Variants in MEF2A observed in about 807,000 individuals in gnomAD.
The protein encoded by MEF2A is myocyte enhancer factor 2A.
Under a neutral mutation model 55.8 loss-of-function variants are expected in MEF2A, and 28 were observed. The ratio of observed to expected loss-of-function variants is 0.50; its 90% CI spans 0.37 to 0.69. MEF2A has a LOEUF of 0.69. Ranked by LOEUF, MEF2A falls within the 30% of genes least tolerant of loss-of-function variation. MEF2A has a pLI of 0.00. For synonymous variants in MEF2A, 239 were observed against 227.1 expected (o/e 1.05, Z -0.47); for missense variants, 528 against 626.2 (o/e 0.84, Z 1.67).
intron 7 of MEF2A, 50 bp downstream of exon 7, chr15:99,675,508 A>T: frequency 6.9e-7 from 1 of 1,453,150 alleles, no homozygotes. Context: ...CCTATATGAG[A>T]TCAAAGGAAT....
intron 3 of MEF2A, among the ~76,000 whole-genome samples, chr15:99,635,478 T>C (rs978237888): frequency 2.0e-5 from 3 of 152,150 alleles, no homozygotes; most frequent in Non-Finnish European, 2.9e-5. Flanking sequence ...AAGTATAAGA[T>C]TAAGAAAAAT....
chr15:99,706,970 T>C lies in MEF2A; in HGVS notation c.1009+115T>C, dbSNP rs1014947827. 4.7e-6 allele frequency: 6 copies of C among 1,266,414 alleles called. No individual in the cohort carries two copies. In the African/African-American group the frequency reaches 9.0e-5, roughly 19 times the overall value. 78.4% of individuals were successfully genotyped at this position (1,266,414 alleles called of 1,614,324 possible). A position where few individuals can be genotyped will look rare whatever the true frequency, so the allele number is the denominator to read the frequency against. ...TTGAAATAAACTATTTCCAGTTTTT[T>C]AGATTTAAATTAGGATGTATTTTTC... On this transcript the variant is annotated intron_variant, in intron 10 of 11. Transcript: ENST00000557942.
At chr15:99,605,201 G>T (rs1173170867) in intron 2 of MEF2A, among the ~76,000 whole-genome samples, 1 of 152,176 alleles carries the variant, frequency 6.6e-6, no homozygotes, top group Admixed American at 6.5e-5. Context: ...GGCTGCTTCA[G>T]TCTCCCAAAG....
chr15:99,654,142 T>C (rs777699885), intron 4 of MEF2A, among the ~76,000 whole-genome samples: 1 of 152,168 alleles, frequency 6.6e-6, no homozygotes, highest in Non-Finnish European at 1.5e-5. Context: ...TTTGGTCTCT[T>C]ATAAACCTAT....
chr15:99,656,700 C>G (rs1042267644), intron 4 of MEF2A, among the ~76,000 whole-genome samples: 3 of 152,076 alleles, frequency 2.0e-5, no homozygotes, highest in Admixed American at 6.6e-5. Flanking sequence ...ATAATTGCTC[C>G]AGACATCCTT....
intron 7 of MEF2A, among the ~76,000 whole-genome samples, chr15:99,683,229 A>G (rs926314934): frequency 6.6e-6 from 1 of 152,236 alleles, no homozygotes; most frequent in Non-Finnish European, 1.5e-5. Flanking sequence ...CAAGATAATG[A>G]AAGCAGAATG....
intron 1 of MEF2A, among the ~76,000 whole-genome samples, chr15:99,567,718 T>A (rs1341841229): frequency 6.6e-6 from 1 of 151,874 alleles, no homozygotes; most frequent in African/African-American, 2.4e-5. Flanking sequence ...AACTTTTGTT[T>A]TAGGGAATCA....
intron 2 of MEF2A, among the ~76,000 whole-genome samples, chr15:99,602,340 G>T (rs1973376183): frequency 6.6e-6 from 1 of 152,130 alleles, no homozygotes; most frequent in Non-Finnish European, 1.5e-5. Context: ...TAGCACTTGG[G>T]AGGGGAGCCT....
At chr15:99,612,486 C>T (rs1325435201) in intron 2 of MEF2A, among the ~76,000 whole-genome samples, 2 of 152,142 alleles carry the variant, frequency 1.3e-5, no homozygotes, top group African/African-American at 2.4e-5. Flanking sequence ...ATACCATTCA[C>T]ATACCATATT....
At position 99,669,739 on chromosome 15, in the gene MEF2A, CA is replaced by C. The variant is rs536719903; in HGVS notation, c.259-1577del. On this transcript the variant is annotated intron_variant, in intron 4 of 11. Coordinates refer to ENST00000557942, the MANE Select transcript of MEF2A (RefSeq NM_001319206.4). The stretch of plus-strand genomic sequence containing the variant: ...TAAAAATAATTTGACTTTGGAGAAT[CA>C]AAAAAATTCTTGAATCTTAATGTAC... Among the ~76,000 whole-genome samples the C allele has an allele frequency of 1.6e-4, 25 of 152,070 alleles. No homozygotes were observed. In the South Asian group the frequency reaches 3.7e-3, roughly 23 times the overall value.
At chr15:99,667,511 C>G (rs1215685831) in intron 4 of MEF2A, among the ~76,000 whole-genome samples, 3 of 152,158 alleles carry the variant, frequency 2.0e-5, no homozygotes, top group Non-Finnish European at 4.4e-5. Context: ...GCGTCAGCCA[C>G]CGCGCCCGGC....
intron 1 of MEF2A, among the ~76,000 whole-genome samples, chr15:99,572,622 C>G (rs1962801326): frequency 6.6e-6 from 1 of 152,212 alleles, no homozygotes; most frequent in African/African-American, 2.4e-5. Context: ...GCTTCTGTAT[C>G]TTTGTTCCTG....
intron 4 of MEF2A, among the ~76,000 whole-genome samples, chr15:99,664,817 G>C (rs1234912376): frequency 6.6e-6 from 1 of 152,132 alleles, no homozygotes; most frequent in African/African-American, 2.4e-5. Context: ...AGGCAGTTGG[G>C]ATTATAAATC....
At chr15:99,662,332 TGTC>T (rs2048792708) in intron 4 of MEF2A, among the ~76,000 whole-genome samples, 1 of 152,214 alleles carries the variant, frequency 6.6e-6, no homozygotes, top group Admixed American at 6.5e-5. Context: ...TTTTATGTGT[TGTC>T]AGAGTAGCTA....
intron 2 of MEF2A, among the ~76,000 whole-genome samples, chr15:99,621,827 A>G (rs914121717): frequency 1.3e-5 from 2 of 152,196 alleles, no homozygotes; most frequent in African/African-American, 4.8e-5. Context: ...GATTGTACAT[A>G]ATCATTTTTA....
chr15:99,605,250 T>TCTTC (rs2046400830), intron 2 of MEF2A, among the ~76,000 whole-genome samples: 1 of 152,204 alleles, frequency 6.6e-6, no homozygotes, highest in African/African-American at 2.4e-5. Flanking sequence ...GTCCTGCCTC[T>TCTTC]CTTCCACTTT....
chr15:99,600,096 G>A (rs1393163333), intron 2 of MEF2A, among the ~76,000 whole-genome samples: 1 of 152,076 alleles, frequency 6.6e-6, no homozygotes, highest in Non-Finnish European at 1.5e-5. Flanking sequence ...TGTTTGTTTT[G>A]TTCATTAACT....
intron 3 of MEF2A, among the ~76,000 whole-genome samples, chr15:99,637,775 T>C (rs1037091274): frequency 5.0e-4 from 76 of 152,300 alleles, no homozygotes; most frequent in Non-Finnish European, 1.0e-3. Flanking sequence ...CCTGAGTAGC[T>C]GGGATTACAG....
intron 9 of MEF2A, 144 bp from the exon 10 acceptor site, chr15:99,706,582 CTAG>C (rs2058064831): frequency 1.3e-6 from 1 of 759,200 alleles, no homozygotes; most frequent in African/African-American, 1.7e-5. Context: ...GTTATTCTCA[CTAG>C]TATTTTTGAA....
Sources: allele counts gnomAD v4.1 joint callset (sites outside exome capture counted in the v4.1 genomes callset), GRCh38; gene constraint gnomAD v4.1.1; transcripts MANE v1.5; gene names NCBI Gene and HGNC (gene_info 2026-07-23, HGNC 2026-07-21).